Variants in CLIC6 observed in about 807,000 individuals in gnomAD.
CLIC6 encodes the protein CLIC family member 6, also known as chloride intracellular channel protein 6.
CLIC6 carries 39 observed loss-of-function variants against 49.2 expected under a neutral mutation model. That is an observed-to-expected ratio of 0.79 (90% confidence interval 0.61 to 1.04). The LOEUF (loss-of-function observed/expected upper bound fraction) is 1.04, where lower values mean the gene tolerates loss of function less well. Ranked by LOEUF, CLIC6 falls within the 50% of genes least tolerant of loss-of-function variation. The pLI, the probability that CLIC6 is intolerant of heterozygous loss-of-function variation, is 0.00. For synonymous variants in CLIC6, 446 were observed against 433.4 expected (o/e 1.03, Z -0.36); for missense variants, 988 against 993.1 (o/e 0.99, Z 0.07).
chr21:34,686,016 C>T (rs1463819302), intron 1 of CLIC6, among the ~76,000 whole-genome samples: 1 of 152,202 alleles, frequency 6.6e-6, no homozygotes, highest in Non-Finnish European at 1.5e-5. Flanking sequence ...TGCTTTTTCA[C>T]ACAAAAAATT....
In CLIC6 at chr21:34,685,357, C is replaced by T. The variant is rs141793335; in HGVS notation, c.1374+14595C>T. 5.7e-4 allele frequency among the ~76,000 whole-genome samples: 87 copies of T among 152,258 alleles called. 3 individuals are homozygous for T. The East Asian group carries it at 0.016, about 27-fold the overall frequency. On this transcript the variant is annotated intron_variant, in intron 1 of 5. Transcript: ENST00000349499. ...AGGCCATATGGCCTGTCCAAGACGT[C>T]GGCACATCACAGCCATCATCTGCTT...
At chr21:34,686,212 G>A (rs1227008941) in intron 1 of CLIC6, among the ~76,000 whole-genome samples, 2 of 152,148 alleles carry the variant, frequency 1.3e-5, no homozygotes, top group African/African-American at 4.8e-5. Context: ...GACCAGCCTG[G>A]CTAACATGGT....
At chr21:34,705,983 AT>A in intron 1 of CLIC6, 1 of 657,718 alleles carries the variant, frequency 1.5e-6, no homozygotes, top group Non-Finnish European at 2.7e-6. Flanking sequence ...AACTCTGTAT[AT>A]TTTTTAAATT....
chr21:34,708,629 T>C, intron 3 of CLIC6, 71 bp from the exon 4 acceptor site: 1 of 1,034,102 alleles, frequency 9.7e-7, no homozygotes, highest in Non-Finnish European at 1.5e-6. Flanking sequence ...AAGCTGTTTT[T>C]CTCCATTGTA....
chr21:34,680,870 G>A (rs949795685), intron 1 of CLIC6, among the ~76,000 whole-genome samples: 2 of 152,178 alleles, frequency 1.3e-5, no homozygotes, highest in African/African-American at 4.8e-5. Flanking sequence ...ACAGCTTCCT[G>A]TCTTCTGAAC....
chr21:34,698,865 A>G (rs538245648), intron 1 of CLIC6, among the ~76,000 whole-genome samples: 95 of 152,258 alleles, frequency 6.2e-4, no homozygotes, highest in Non-Finnish European at 1.1e-3. Flanking sequence ...CCAGCCAGAG[A>G]GACCCCCCAG....
chr21:34,685,923 A>G (rs1432562699), intron 1 of CLIC6, among the ~76,000 whole-genome samples: 3 of 152,210 alleles, frequency 2.0e-5, no homozygotes, highest in Non-Finnish European at 1.5e-5. Flanking sequence ...TTCTTAACCC[A>G]TTTATGCCTA....
chr21:34,707,468 C>CACACACACCT (rs1184239105), intron 2 of CLIC6, 79 bp downstream of exon 2: 34 of 888,014 alleles, frequency 3.8e-5, no homozygotes, highest in Non-Finnish European at 6.2e-5. Context: ...CACACACACA[C>CACACACACCT]ACCTGAGGCC....
intron 1 of CLIC6, among the ~76,000 whole-genome samples, chr21:34,706,408 A>C (rs1184257318): frequency 6.6e-6 from 1 of 152,186 alleles, no homozygotes; most frequent in African/African-American, 2.4e-5. Context: ...TGCCTCCAAT[A>C]CTGGGGATTA....
At chr21:34,716,192 G>T in intron 5 of CLIC6, 129 bp from the exon 6 acceptor site, 1 of 770,768 alleles carries the variant, frequency 1.3e-6, no homozygotes. Flanking sequence ...TGGGTAGCCC[G>T]GATGACTGTG....
intron 1 of CLIC6, among the ~76,000 whole-genome samples, chr21:34,691,491 C>T (rs1259753871): frequency 6.6e-6 from 1 of 151,678 alleles, no homozygotes; most frequent in Non-Finnish European, 1.5e-5. Flanking sequence ...AAGTGTAAAG[C>T]TTGTGAAACC....
At chr21:34,685,675 T>C (rs1394952118) in intron 1 of CLIC6, among the ~76,000 whole-genome samples, 6 of 152,222 alleles carry the variant, frequency 3.9e-5, no homozygotes, top group Non-Finnish European at 2.9e-5. Context: ...AATCCAGTGC[T>C]TAAAGAAACA....
intron 1 of CLIC6, among the ~76,000 whole-genome samples, chr21:34,672,663 G>A (rs1989587377): frequency 6.6e-6 from 1 of 152,222 alleles, no homozygotes; most frequent in South Asian, 2.1e-4. Flanking sequence ...TGTGGTGAAG[G>A]CTTGAATGGG....
intron 5 of CLIC6, among the ~76,000 whole-genome samples, chr21:34,715,230 C>A (rs192438693): frequency 4.8e-4 from 73 of 152,290 alleles, no homozygotes; most frequent in African/African-American, 1.7e-3. Flanking sequence ...TGCCCTCCTC[C>A]CAATTCCTGT....
intron 1 of CLIC6, among the ~76,000 whole-genome samples, chr21:34,703,044 G>A (rs1348119899): frequency 1.7e-5 from 2 of 121,206 alleles, no homozygotes; most frequent in Non-Finnish European, 3.4e-5. Context: ...CACATCCTGC[G>A]ATGGCAAATC....
rs1334904417 is a variant in CLIC6, at chr21:34,707,287, A to T, written c.1382A>T (p.Tyr461Phe). 3.7e-6 allele frequency: 6 copies of T among 1,613,176 alleles called. No homozygotes were observed. The East Asian group carries it at 6.7e-5, about 18-fold the overall frequency. Residue 461 changes from tyrosine to phenylalanine, a missense_variant, in exon 2 of 6, where the codon TAT (tyrosine) becomes TTT (phenylalanine). Physicochemically the swap from Tyr to Phe is conservative, Grantham distance 22. This residue lies in a region of CLIC6 where 647 missense variants were observed against 596.9 expected (regional missense o/e 1.08). Coordinates refer to ENST00000349499, the MANE Select transcript of CLIC6 (RefSeq NM_053277.3). The stretch of plus-strand genomic sequence containing the variant: ...CTCCTTCTCCACTTGTAGGCTGGTT[A>T]TGATGGTGAGAGTATCGGAAATTGC... The part of the protein sequence containing the change: ...HDITLFVKAG[Y>F]DGESIGNCPF...
At chr21:34,706,293 A>G (rs951883577) in intron 1 of CLIC6, among the ~76,000 whole-genome samples, 1 of 152,172 alleles carries the variant, frequency 6.6e-6, no homozygotes, top group Non-Finnish European at 1.5e-5. Flanking sequence ...AATCTTGTCA[A>G]TCTTGCAAGA....
intron 1 of CLIC6, among the ~76,000 whole-genome samples, chr21:34,696,823 A>G (rs1426154254): frequency 6.6e-6 from 1 of 152,078 alleles, no homozygotes; most frequent in Non-Finnish European, 1.5e-5. Flanking sequence ...CCTCAGGTGT[A>G]TTATTTTGAG....
At chr21:34,703,953 C>T (rs566754844) in intron 1 of CLIC6, among the ~76,000 whole-genome samples, 3 of 152,314 alleles carry the variant, frequency 2.0e-5, no homozygotes, top group East Asian at 1.9e-4. Flanking sequence ...CCTAAGTCTT[C>T]GCTGGAAACA....
Sources: allele counts gnomAD v4.1 joint callset (sites outside exome capture counted in the v4.1 genomes callset), GRCh38; gene constraint gnomAD v4.1.1; regional missense constraint gnomAD v4.1.1; transcripts MANE v1.5; gene names NCBI Gene and HGNC (gene_info 2026-07-23, HGNC 2026-07-21).